The following DLGAP2 variants were observed in gnomAD, a reference collection of about 807,000 sequenced individuals.
The protein encoded by DLGAP2 is DLG associated protein 2.
Under a neutral mutation model 100.3 loss-of-function variants are expected in DLGAP2, and 26 were observed. The ratio of observed to expected loss-of-function variants is 0.26; its 90% confidence interval spans 0.19 to 0.36. DLGAP2 has a LOEUF of 0.36. Among genes scored for constraint, DLGAP2 ranks in the 10% least tolerant of loss-of-function variants. DLGAP2 has a pLI of 1.00. For missense variants in DLGAP2, 1,858 were observed against 1,453.2 expected (o/e 1.28, Z -4.53); for synonymous variants, 886 against 630.1 (o/e 1.41, Z -6.08).
chr8:773,977 G>T (rs931483787), intron 1 of DLGAP2, among the ~76,000 whole-genome samples: 1 of 152,178 alleles, frequency 6.6e-6, no homozygotes, highest in African/African-American at 2.4e-5. Flanking sequence ...GTGTAAAAGT[G>T]TTCCTATTTC....
chr8:976,677 A>G (rs960126401), intron 2 of DLGAP2, among the ~76,000 whole-genome samples: 6 of 152,226 alleles, frequency 3.9e-5, no homozygotes, highest in Admixed American at 1.3e-4. Context: ...ACAAAGGAGC[A>G]ATTCAGTGTA....
chr8:1,256,636 G>T (rs531716957), intron 2 of DLGAP2, among the ~76,000 whole-genome samples: 1 of 147,226 alleles, frequency 6.8e-6, no homozygotes, highest in African/African-American at 2.7e-5. Flanking sequence ...TCATGTCCGC[G>T]CCTCCTGCAA....
At position 1,180,529 on chromosome 8, in the gene DLGAP2, G is replaced by C. The variant is rs546282055; in HGVS notation, c.74-78322G>C. Among the ~76,000 whole-genome samples, 5 of 151,208 alleles carry C rather than the reference G, an allele frequency of 3.3e-5. No homozygotes were observed. In the East Asian group the frequency reaches 9.7e-4, roughly 29 times the overall value. ...TGTGTTGCATCACCATGGATTATCT[G>C]TTGTAATTTCACACAAGAACCAGTG... On this transcript the variant is annotated intron_variant, in intron 2 of 14. Transcript: ENST00000637795.
intron 1 of DLGAP2, among the ~76,000 whole-genome samples, chr8:841,879 A>G (rs916149695): frequency 6.6e-6 from 1 of 152,206 alleles, no homozygotes; most frequent in Non-Finnish European, 1.5e-5. Context: ...CATGCTAGGT[A>G]TCCTGATTCT....
At chr8:1,099,544 AG>A (rs1804510103) in intron 2 of DLGAP2, among the ~76,000 whole-genome samples, 1 of 152,224 alleles carries the variant, frequency 6.6e-6, no homozygotes, top group South Asian at 2.1e-4. Context: ...TCTTCATTAG[AG>A]GAGGGACTTC....
At chr8:937,507 A>G (rs999500946) in intron 2 of DLGAP2, among the ~76,000 whole-genome samples, 1 of 152,176 alleles carries the variant, frequency 6.6e-6, no homozygotes, top group Admixed American at 6.5e-5. Flanking sequence ...AGCCAAAAAC[A>G]ACACAGTGGA....
intron 3 of DLGAP2, among the ~76,000 whole-genome samples, chr8:1,271,985 A>T (rs1563054381): frequency 6.6e-6 from 1 of 151,638 alleles, no homozygotes; most frequent in East Asian, 1.9e-4. Context: ...TAGTTTTTGG[A>T]TTTTTTTTAG....
intron 1 of DLGAP2, among the ~76,000 whole-genome samples, chr8:893,293 G>C (rs1798073959): frequency 1.3e-5 from 2 of 152,190 alleles, no homozygotes; most frequent in South Asian, 4.1e-4. Flanking sequence ...TTTGCAGAAT[G>C]TCCGACAGCT....
chr8:1,579,155 C>T (rs563123672), intron 6 of DLGAP2, among the ~76,000 whole-genome samples: 1 of 152,070 alleles, frequency 6.6e-6, no homozygotes, highest in Admixed American at 6.5e-5. Context: ...ATTAGAAAGT[C>T]AAAGCTCTAA....
intron 2 of DLGAP2, among the ~76,000 whole-genome samples, chr8:1,142,737 C>T (rs1010979936): frequency 1.3e-5 from 2 of 152,050 alleles, no homozygotes; most frequent in South Asian, 2.1e-4. Context: ...TTATTGGAGT[C>T]AGGACAGTTC....
At chr8:789,935 C>G (rs1259391777) in intron 1 of DLGAP2, among the ~76,000 whole-genome samples, 3 of 152,202 alleles carry the variant, frequency 2.0e-5, no homozygotes, top group African/African-American at 4.8e-5. Context: ...ACCCACTGTG[C>G]TTAAGGTTTC....
intron 2 of DLGAP2, among the ~76,000 whole-genome samples, chr8:1,074,897 A>T (rs1485878691): frequency 6.6e-6 from 1 of 152,160 alleles, no homozygotes. Context: ...CATGGGGTCA[A>T]CCCAGTGAAA....
chr8:827,896 A>T (rs1796711354), intron 1 of DLGAP2, among the ~76,000 whole-genome samples: 1 of 152,198 alleles, frequency 6.6e-6, no homozygotes, highest in Admixed American at 6.5e-5. Context: ...AGGACAGAGT[A>T]CAAAAGAGAG....
chr8:1,422,079 G>A (rs986592809), intron 3 of DLGAP2, among the ~76,000 whole-genome samples: 10 of 152,182 alleles, frequency 6.6e-5, no homozygotes, highest in South Asian at 2.1e-4. Context: ...GCGAGGCTGC[G>A]TTTGTTACTC....
rs559256466 is a variant in DLGAP2, at chr8:1,448,477, T to C, written c.107-52889T>C. 5.9e-5 allele frequency among the ~76,000 whole-genome samples: 9 copies of C among 152,356 alleles called. No individual in the cohort carries two copies. The East Asian group carries it at 9.6e-4, about 16-fold the overall frequency. Reference sequence around the variant, plus strand: ...CAGTTTGTTATAATTTCTGTTCTTTTACATTTGCTGAGGAGAGCTTTACTT... The same window carrying C: ...CAGTTTGTTATAATTTCTGTTCTTTCACATTTGCTGAGGAGAGCTTTACTT... On this transcript the variant is annotated intron_variant, in intron 3 of 14. Transcript: ENST00000637795.
intron 2 of DLGAP2, among the ~76,000 whole-genome samples, chr8:947,076 T>A (rs1467654350): frequency 6.6e-6 from 1 of 152,190 alleles, no homozygotes; most frequent in African/African-American, 2.4e-5. Flanking sequence ...AGAGACTTTC[T>A]AGTTCCCTCT....
At chr8:1,294,583 G>A (rs920579844) in intron 3 of DLGAP2, among the ~76,000 whole-genome samples, 3 of 152,192 alleles carry the variant, frequency 2.0e-5, no homozygotes, top group Admixed American at 6.5e-5. Context: ...TGGCATCACT[G>A]GGTCAATGTC....
intron 2 of DLGAP2, among the ~76,000 whole-genome samples, chr8:1,151,754 G>A (rs1196057628): frequency 6.6e-6 from 1 of 152,202 alleles, no homozygotes. Context: ...CCATCCCCAG[G>A]ATCAGGCATT....
chr8:1,189,597 A>G (rs1329649704), intron 2 of DLGAP2, among the ~76,000 whole-genome samples: 1 of 152,138 alleles, frequency 6.6e-6, no homozygotes. Flanking sequence ...TAGAAACAGT[A>G]TTTTTTGTCA....
Sources: allele counts gnomAD v4.1 joint callset (sites outside exome capture counted in the v4.1 genomes callset), GRCh38; gene constraint gnomAD v4.1.1; transcripts MANE v1.5; gene names NCBI Gene and HGNC (gene_info 2026-07-23, HGNC 2026-07-21).